Variants in GRXCR2 observed in about 807,000 individuals in gnomAD.
GRXCR2 encodes the protein glutaredoxin domain-containing cysteine-rich protein 2.
Under a neutral mutation model 24.8 loss-of-function variants are expected in GRXCR2, and 23 were observed. That is an observed-to-expected ratio of 0.93 (90% CI 0.67 to 1.32). The LOEUF is 1.32. Among genes scored for constraint, GRXCR2 ranks in the 40% most tolerant of loss-of-function variants. GRXCR2 has a pLI of 0.00. For missense variants in GRXCR2, 315 were observed against 303.4 expected (o/e 1.04, Z -0.28); for synonymous variants, 130 against 116.1 (o/e 1.12, Z -0.77).
chr5:145,889,840 A>G (rs1479080596), intron 2 of GRXCR2, among the ~76,000 whole-genome samples: 1 of 152,214 alleles, frequency 6.6e-6, no homozygotes, highest in Admixed American at 6.5e-5. Flanking sequence ...AGCAGTCCAG[A>G]AAATGAAGGA....
chr5:145,889,883 G>T (rs1025592189), intron 2 of GRXCR2, among the ~76,000 whole-genome samples: 1 of 152,170 alleles, frequency 6.6e-6, no homozygotes, highest in East Asian at 1.9e-4. Context: ...CAGCAAAGCA[G>T]TCCAGAAAAT....
At chr5:145,882,464 C>T (rs932700764) in intron 2 of GRXCR2, among the ~76,000 whole-genome samples, 4 of 152,166 alleles carry the variant, frequency 2.6e-5, no homozygotes, top group East Asian at 3.8e-4. Flanking sequence ...ATCAAAACCA[C>T]AATGAGATAC....
downstream of GRXCR2, among the ~76,000 whole-genome samples, chr5:145,858,079 C>T (rs1407545507): frequency 1.3e-5 from 2 of 151,994 alleles, no homozygotes; most frequent in East Asian, 1.9e-4. Context: ...TTTGGGAGGC[C>T]GAGATGGGCG....
At chr5:145,892,633 A>G (rs932611513) in intron 2 of GRXCR2, among the ~76,000 whole-genome samples, 6 of 152,210 alleles carry the variant, frequency 3.9e-5, no homozygotes, top group African/African-American at 7.2e-5. Flanking sequence ...GGGACTATGT[A>G]AAAAGACCAA....
chr5:145,923,100 A>C (rs79522500), intron 2 of GRXCR2, among the ~76,000 whole-genome samples: 3,078 of 152,356 alleles, frequency 0.02, 75 homozygotes, highest in African/African-American at 0.059. Context: ...GAATCACCTG[A>C]AGTACTTGGG....
intron 2 of GRXCR2, among the ~76,000 whole-genome samples, chr5:145,928,396 T>A (rs1444758380): frequency 6.6e-6 from 1 of 152,092 alleles, no homozygotes; most frequent in Non-Finnish European, 1.5e-5. Flanking sequence ...AGCAATCCCA[T>A]TACTGGGTAT....
intron 1 of GRXCR2, among the ~76,000 whole-genome samples, chr5:145,871,132 G>T (rs1208298791): frequency 6.6e-6 from 1 of 152,066 alleles, no homozygotes; most frequent in Non-Finnish European, 1.5e-5. Flanking sequence ...GACTTATGAA[G>T]ATCAAGCAAC....
At chr5:145,901,347 T>C (rs1430006205) in intron 2 of GRXCR2, among the ~76,000 whole-genome samples, 2 of 152,144 alleles carry the variant, frequency 1.3e-5, no homozygotes, top group African/African-American at 4.8e-5. Context: ...TGTTAATATA[T>C]ATAGAACTCC....
At chr5:145,909,584 A>G (rs972798661) in intron 2 of GRXCR2, among the ~76,000 whole-genome samples, 1 of 152,186 alleles carries the variant, frequency 6.6e-6, no homozygotes, top group African/African-American at 2.4e-5. Flanking sequence ...TACAGAAGGT[A>G]TCCATTAGCT....
At position 145,859,853 on chromosome 5, in the gene GRXCR2, A is replaced by G. The variant is rs192698368; in HGVS notation, c.627T>C (p.Ser209=). The G allele has an allele frequency of 1.2e-6, 2 of 1,612,798 alleles. No homozygotes were observed. Among genetic ancestry groups the G allele is most frequent in the East Asian group, 4.5e-5 (2 of 44,864 alleles). Residue 209 remains serine (S), a synonymous_variant, in exon 3 of 3, where the codon TCT becomes TCC. Coordinates refer to ENST00000377976, the MANE Select transcript of GRXCR2 (RefSeq NM_001080516.2). ...TCGAGAACTTGCTGCCGTGGCACAG[A>G]GAGCAGGTGGCACTGCCCGACCCTC... The part of the protein sequence containing the change: ...HCRGSGSATC[S]LCHGSKFSML...
intron 2 of GRXCR2, among the ~76,000 whole-genome samples, chr5:145,899,697 C>A (rs1336738205): frequency 1.3e-5 from 2 of 152,102 alleles, no homozygotes; most frequent in Non-Finnish European, 2.9e-5. Context: ...GCTGGGAGAG[C>A]TTGCTAGCCA....
rs1757110093 is a variant in GRXCR2, at chr5:145,907,586, T to C, written c.-70+28115A>G. On this transcript the variant is annotated intron_variant, in intron 2 of 3. Transcript: ENST00000639411. ...ATCGCTCTGGCTGCCACATCGAGTA[T>C]AAAGAAGGGAGACCACAGAAACCAA... Among the ~76,000 whole-genome samples, 3 of 151,392 alleles carry C rather than the reference T, an allele frequency of 2.0e-5. No individual in the cohort carries two copies. The South Asian group carries it at 6.3e-4, about 32-fold the overall frequency.
At chr5:145,903,313 G>A (rs945919885) in intron 2 of GRXCR2, among the ~76,000 whole-genome samples, 3 of 152,130 alleles carry the variant, frequency 2.0e-5, no homozygotes, top group Non-Finnish European at 4.4e-5. Context: ...TCCTGCTAGT[G>A]GCTGAAGACA....
rs190912033 is a variant in GRXCR2, at chr5:145,884,134, T to A, written c.-69-17406A>T. 8.5e-5 allele frequency among the ~76,000 whole-genome samples: 13 copies of A among 152,238 alleles called. No individual in the cohort carries two copies. The East Asian group carries it at 2.5e-3, about 29-fold the overall frequency. ...TGGAATAAACCCCACCTATGAAGTA[T>A]TCTGGACAAAAATCTTCAATATTTA... is the stretch of plus-strand genomic sequence containing the variant. On this transcript the variant is annotated intron_variant, in intron 2 of 3. Coordinates refer to the GRXCR2 transcript ENST00000639411.
At chr5:145,909,557 C>T (rs1757136578) in intron 2 of GRXCR2, among the ~76,000 whole-genome samples, 1 of 152,164 alleles carries the variant, frequency 6.6e-6, no homozygotes, top group Non-Finnish European at 1.5e-5. Context: ...TGTAATGTTA[C>T]CCTGTTTTAT....
intron 2 of GRXCR2, among the ~76,000 whole-genome samples, chr5:145,865,295 G>A (rs1481417008): frequency 3.3e-5 from 5 of 152,124 alleles, no homozygotes; most frequent in South Asian, 2.1e-4. Context: ...TTAATCTTTC[G>A]GCTTAAATGC....
chr5:145,878,196 T>C (rs1278237325), intron 2 of GRXCR2, among the ~76,000 whole-genome samples: 1 of 152,196 alleles, frequency 6.6e-6, no homozygotes, highest in East Asian at 1.9e-4. Flanking sequence ...GAGAATGACT[T>C]TGATGAGTTG....
chr5:145,897,135 G>T (rs1460639437), intron 2 of GRXCR2, among the ~76,000 whole-genome samples: 3 of 118,388 alleles, frequency 2.5e-5, no homozygotes, highest in African/African-American at 9.6e-5. Flanking sequence ...GACCTGTTGT[G>T]GGGTGGGGGG....
chr5:145,925,263 G>T (rs1757374496), intron 2 of GRXCR2, among the ~76,000 whole-genome samples: 1 of 152,216 alleles, frequency 6.6e-6, no homozygotes, highest in Admixed American at 6.5e-5. Context: ...AGTTAGAAAT[G>T]ATGCCAGAAA....
Sources: allele counts gnomAD v4.1 joint callset (sites outside exome capture counted in the v4.1 genomes callset), GRCh38; gene constraint gnomAD v4.1.1; transcripts MANE v1.5; gene names NCBI Gene and HGNC (gene_info 2026-07-23, HGNC 2026-07-21).